ADCY5: variants seen among roughly 807,000 people sequenced by gnomAD.
The protein encoded by ADCY5 is adenylate cyclase type 5.
A neutral mutation model predicts 119.7 loss-of-function variants in ADCY5; 30 were observed. The ratio of observed to expected loss-of-function variants is 0.25; its 90% CI spans 0.19 to 0.34. The LOEUF is 0.34. Among genes scored for constraint, ADCY5 ranks in the 10% least tolerant of loss-of-function variants. The pLI is 1.00. For synonymous variants in ADCY5, 753 were observed against 762.2 expected (o/e 0.99, Z 0.20); for missense variants, 1,324 against 1,775.2 (o/e 0.75, Z 4.57).
intron 1 of ADCY5, among the ~76,000 whole-genome samples, chr3:123,392,869 G>A (rs1944436977): frequency 6.6e-6 from 1 of 151,966 alleles, no homozygotes; most frequent in Non-Finnish European, 1.5e-5. Context: ...TTTTGTGGCA[G>A]GAGAATACAG....
At chr3:123,403,858 T>C (rs550920402) in intron 1 of ADCY5, among the ~76,000 whole-genome samples, 1 of 152,274 alleles carries the variant, frequency 6.6e-6, no homozygotes, top group Admixed American at 6.5e-5. Flanking sequence ...CTCAATCTCA[T>C]CCCTCTCTGG....
chr3:123,347,644 C>T (rs1942621107), intron 3 of ADCY5, 138 bp downstream of exon 3: 4 of 1,125,204 alleles, frequency 3.6e-6, no homozygotes, highest in Non-Finnish European at 5.2e-6. Flanking sequence ...AGGGGTGGGG[C>T]TGGCATGCTC....
intron 1 of ADCY5, among the ~76,000 whole-genome samples, chr3:123,406,372 T>C (rs1167630697): frequency 1.3e-5 from 2 of 152,262 alleles, no homozygotes; most frequent in Non-Finnish European, 2.9e-5. Flanking sequence ...TGGCATGGCA[T>C]GTGCCCTCCT....
Position 123,332,641 on chromosome 3 carries a change from G to A in ADCY5, c.1441C>T (p.Leu481=), listed in dbSNP as rs1941816589. ...TCCTGTGCAGTGCACTGGGACGCCA[G>A]GCTGGTGAAGCCCTCGATGTCAGCA... is the stretch of plus-strand genomic sequence containing the variant. ...LFADIEGFTS[L]ASQCTAQELV... Residue 481 remains leucine, a synonymous_variant, in exon 4 of 21, where the codon CTG becomes TTG. Coordinates refer to ENST00000462833, the MANE Select transcript of ADCY5 (RefSeq NM_183357.3). 8.7e-6 allele frequency: 14 copies of A among 1,613,776 alleles called. No individual in the cohort carries two copies. Among genetic ancestry groups the A allele is most frequent in the Non-Finnish European group, 1.2e-5 (14 of 1,179,854 alleles).
At position 123,425,516 on chromosome 3, in the gene ADCY5, A is replaced by C. The variant is rs151278797; in HGVS notation, c.1134+21896T>G. Among the ~76,000 whole-genome samples the C allele has an allele frequency of 1.1e-3, 167 of 152,326 alleles. 1 individual carries two copies. The highest frequency in any genetic ancestry group is 3.8e-3 in the African/African-American group (159 of 41,564). On this transcript the variant is annotated intron_variant, in intron 1 of 20. Coordinates refer to ENST00000462833, the MANE Select transcript of ADCY5 (RefSeq NM_183357.3). ...TCTTGATGAAGTTACAGAAGGAAGTACATCTGGAAGAAGCAGCTGTATGGC... is the reference window on the plus strand; with the variant it reads ...TCTTGATGAAGTTACAGAAGGAAGTCCATCTGGAAGAAGCAGCTGTATGGC...
intron 3 of ADCY5, among the ~76,000 whole-genome samples, chr3:123,339,087 C>T (rs1942158623): frequency 6.6e-6 from 1 of 152,194 alleles, no homozygotes; most frequent in South Asian, 2.1e-4. Context: ...AAGGTCTCAG[C>T]CCAACTCCCA....
chr3:123,290,566 C>G (rs148852128), intron 18 of ADCY5, among the ~76,000 whole-genome samples: 4 of 152,256 alleles, frequency 2.6e-5, no homozygotes, highest in Non-Finnish European at 5.9e-5. Context: ...TGCCTCCACA[C>G]GCCAGGTGCT....
At chr3:123,356,968 T>C (rs1480045539) in intron 1 of ADCY5, among the ~76,000 whole-genome samples, 1 of 152,064 alleles carries the variant, frequency 6.6e-6, no homozygotes, top group Admixed American at 6.6e-5. Flanking sequence ...AAATATATTA[T>C]GCTAAAATGA....
intron 5 of ADCY5, 45 bp downstream of exon 5, chr3:123,330,844 G>A: frequency 6.4e-7 from 1 of 1,561,924 alleles, no homozygotes; most frequent in Non-Finnish European, 8.7e-7. Context: ...TCGGGCTGTG[G>A]ACAGTCCCAG....
At position 123,286,709 on chromosome 3, in the gene ADCY5, G is replaced by A. The variant is rs1484572679; in HGVS notation, c.3633C>T (p.Ser1211=). 6.2e-7 allele frequency: 1 copy of A among 1,613,176 alleles called. No individual in the cohort carries two copies. The highest frequency in any genetic ancestry group is 8.5e-7 in the Non-Finnish European group (1 of 1,179,560). ...NTVNVASRMD[S]TGVPDRIQVT... ...CCTGGATGCGGTCGGGTACACCGGTGCTGTCCATGCGGCTGGCCACGTTCA... is the reference window on the plus strand; with the variant it reads ...CCTGGATGCGGTCGGGTACACCGGTACTGTCCATGCGGCTGGCCACGTTCA... The change falls in exon 20 of 21, where the codon AGC becomes AGT. Residue 1211 remains serine (S), a synonymous_variant. Transcript: ENST00000462833. This position sits in a 1 kb window ranked among gnomAD's most constrained non-coding sequence, Gnocchi z 4.2.
intron 1 of ADCY5, among the ~76,000 whole-genome samples, chr3:123,400,963 A>AAAAT (rs760030096): frequency 2.3e-3 from 343 of 151,834 alleles, no homozygotes; most frequent in African/African-American, 6.8e-3. Context: ...AATAAAAATA[A>AAAAT]AAATAAATAA....
intron 10 of ADCY5, 69 bp downstream of exon 10, chr3:123,319,605 G>A: frequency 6.3e-7 from 1 of 1,581,914 alleles, no homozygotes; most frequent in East Asian, 2.3e-5. Context: ...GAGCCCTCCT[G>A]TTTTCTTGCC....
Position 123,332,639 on chromosome 3 carries a change from C to T in ADCY5, c.1443G>A (p.Leu481=), listed in dbSNP as rs996589403. ...LFADIEGFTS[L]ASQCTAQELV... The stretch of plus-strand genomic sequence containing the variant: ...GTTCCTGTGCAGTGCACTGGGACGC[C>T]AGGCTGGTGAAGCCCTCGATGTCAG... The change falls in exon 4 of 21, where the codon CTG becomes CTA. Residue 481 remains leucine, a synonymous_variant. Transcript: ENST00000462833. 6.2e-7 allele frequency: 1 copy of T among 1,613,826 alleles called. No individual in the cohort carries two copies. Among genetic ancestry groups the T allele is most frequent in the Non-Finnish European group, 8.5e-7 (1 of 1,179,890 alleles).
At chr3:123,435,611 T>G (rs1242982600) in intron 1 of ADCY5, among the ~76,000 whole-genome samples, 1 of 152,132 alleles carries the variant, frequency 6.6e-6, no homozygotes, top group East Asian at 1.9e-4. Flanking sequence ...ACCTTTTTTT[T>G]AAGGCCACAA....
At chr3:123,391,379 G>A (rs773898359) in intron 1 of ADCY5, among the ~76,000 whole-genome samples, 17 of 152,234 alleles carry the variant, frequency 1.1e-4, no homozygotes, top group Admixed American at 4.6e-4. Flanking sequence ...TGCAGGGGAC[G>A]GCAAGTGCAG....
intron 1 of ADCY5, among the ~76,000 whole-genome samples, chr3:123,369,014 G>C (rs1403210183): frequency 6.6e-6 from 1 of 152,142 alleles, no homozygotes; most frequent in African/African-American, 2.4e-5. Flanking sequence ...CAGGGTCTCT[G>C]CTATGGTTTT....
At chr3:123,360,029 T>C (rs933637414) in intron 1 of ADCY5, among the ~76,000 whole-genome samples, 59 of 152,024 alleles carry the variant, frequency 3.9e-4, no homozygotes, top group African/African-American at 1.3e-3. Context: ...TGGCTCCTTG[T>C]ACACTGCACC....
intron 1 of ADCY5, among the ~76,000 whole-genome samples, chr3:123,392,235 T>G (rs996114795): frequency 5.9e-5 from 9 of 152,200 alleles, no homozygotes; most frequent in Admixed American, 2.6e-4. Context: ...TAAGGGGGAT[T>G]TTATCCTTTC....
At chr3:123,292,818 G>A (rs1479697168) in intron 17 of ADCY5, among the ~76,000 whole-genome samples, 1 of 152,216 alleles carries the variant, frequency 6.6e-6, no homozygotes, top group East Asian at 1.9e-4. Context: ...AGACTAGACA[G>A]TCCTGCTCCT....
Sources: gnomAD v4.1 joint callset for allele counts (sites outside exome capture counted in the v4.1 genomes callset) on GRCh38, gnomAD v4.1.1 for gene constraint, Gnocchi (gnomAD v3.1) non-coding constraint, MANE v1.5 for transcripts, NCBI Gene and HGNC (gene_info 2026-07-23, HGNC 2026-07-21) for gene names.